FAM222A: variants seen among roughly 807,000 people sequenced by gnomAD.
The protein encoded by FAM222A is family with sequence similarity 222 member A.
In FAM222A, 7 loss-of-function variants were observed where a neutral mutation model predicts 25.8. The ratio of observed to expected loss-of-function variants is 0.27; its 90% confidence interval spans 0.15 to 0.51. The LOEUF (loss-of-function observed/expected upper bound fraction) is 0.51. Among genes scored for constraint, FAM222A ranks in the 20% least tolerant of loss-of-function variants. FAM222A has a pLI of 0.97. For missense variants in FAM222A, 573 were observed against 640.5 expected, an observed-to-expected ratio of 0.89 and a Z score of 1.14; for synonymous variants, 294 against 298.8, an observed-to-expected ratio of 0.98 and a Z score of 0.17.
Position 109,714,241 on chromosome 12 carries a change from C to A in FAM222A, c.-703C>A. On this transcript the variant is annotated 5_prime_UTR_variant, in exon 1 of 3. Coordinates refer to ENST00000538780, the MANE Select transcript of FAM222A (RefSeq NM_032829.3). The surrounding 1 kb of genome is among the most constrained non-coding windows in gnomAD (Gnocchi z 4.2). Reference sequence around the variant, plus strand: ...CGCTGCCGCCGCCGCTGTTCGCCGGCTTCCCCTCCCCCCACACCCGGGGCT... The same window carrying A: ...CGCTGCCGCCGCCGCTGTTCGCCGGATTCCCCTCCCCCCACACCCGGGGCT... The A allele has an allele frequency of 4.9e-6, 1 of 204,938 alleles. No homozygotes were observed. Among genetic ancestry groups the A allele is most frequent in the South Asian group, 6.1e-5 (1 of 16,316 alleles). 12.7% of individuals were successfully genotyped at this position (204,938 alleles called of 1,614,324 possible).
rs371970207 is a variant in FAM222A, at chr12:109,744,223, G to A, written c.77G>A (p.Arg26His). 1.1e-5 allele frequency: 18 copies of A among 1,612,812 alleles called. No homozygotes were observed. In the African/African-American group the frequency reaches 1.9e-4, roughly 17 times the overall value. The change falls in exon 2 of 3, where the codon CGC (arginine) becomes CAC (histidine). Residue 26 changes from arginine (R) to histidine (H), a missense_variant. Coordinates refer to ENST00000538780, the MANE Select transcript of FAM222A (RefSeq NM_032829.3). ...LACPSKSLEL[R>H]KCEAVASAMH... ...TGCCCGAGCAAGAGCCTGGAGCTGC[G>A]CAAGTGTGAGTAGGACGCCTCCCCA...
intron 1 of FAM222A, among the ~76,000 whole-genome samples, chr12:109,738,583 T>C (rs1476368446): frequency 6.6e-6 from 1 of 152,194 alleles, no homozygotes; most frequent in Non-Finnish European, 1.5e-5. Flanking sequence ...CAGCATCTCA[T>C]TCACTTCCTG....
chr12:109,760,354 A>G (rs918464149), intron 2 of FAM222A, among the ~76,000 whole-genome samples: 1 of 152,144 alleles, frequency 6.6e-6, no homozygotes, highest in Non-Finnish European at 1.5e-5. Flanking sequence ...GGCTCCGGTT[A>G]TGGAGGAAAG....
chr12:109,727,631 G>T (rs1241109692), intron 1 of FAM222A, among the ~76,000 whole-genome samples: 4 of 152,192 alleles, frequency 2.6e-5, no homozygotes, highest in Non-Finnish European at 1.5e-5. Flanking sequence ...GTTCACGGAG[G>T]ACAGGCAACT....
intron 1 of FAM222A, among the ~76,000 whole-genome samples, chr12:109,731,144 G>A (rs1416612586): frequency 1.3e-5 from 2 of 152,126 alleles, no homozygotes; most frequent in African/African-American, 4.8e-5. Context: ...CCTTAGCTGA[G>A]GTGCTGTTTC....
chr12:109,742,722 T>C (rs562468168), intron 1 of FAM222A, among the ~76,000 whole-genome samples: 48 of 151,568 alleles, frequency 3.2e-4, no homozygotes, highest in Non-Finnish European at 3.7e-4. Flanking sequence ...GAAAGTAAAA[T>C]AGGGCATAAT....
At chr12:109,750,917 C>T (rs1000980294) in intron 2 of FAM222A, among the ~76,000 whole-genome samples, 5 of 152,070 alleles carry the variant, frequency 3.3e-5, no homozygotes, top group African/African-American at 1.2e-4. Flanking sequence ...TTCGATCTTT[C>T]CATATCTTTC....
At chr12:109,726,119 TAAAAA>T (rs11464580) in intron 1 of FAM222A, among the ~76,000 whole-genome samples, 2 of 110,382 alleles carry the variant, frequency 1.8e-5, no homozygotes, top group African/African-American at 6.9e-5. Context: ...AAAAAATTGC[TAAAAA>T]AAAAAAAAAA....
At chr12:109,758,612 C>G (rs903293917) in intron 2 of FAM222A, among the ~76,000 whole-genome samples, 2 of 152,126 alleles carry the variant, frequency 1.3e-5, no homozygotes, top group Non-Finnish European at 2.9e-5. Context: ...GGCTGGAGAA[C>G]AGCTGTGTCT....
intron 1 of FAM222A, among the ~76,000 whole-genome samples, chr12:109,742,876 G>GA (rs1284515576): frequency 6.6e-6 from 1 of 152,048 alleles, no homozygotes; most frequent in Non-Finnish European, 1.5e-5. Flanking sequence ...AGAAAGTAGT[G>GA]AAAAAAGGCT....
intron 2 of FAM222A, among the ~76,000 whole-genome samples, chr12:109,758,693 G>A (rs920777111): frequency 2.0e-4 from 30 of 152,170 alleles, no homozygotes; most frequent in Admixed American, 1.8e-3. Flanking sequence ...TCTGCCACCA[G>A]CTAATTAGTG....
At chr12:109,746,831 G>T (rs955327917) in intron 2 of FAM222A, among the ~76,000 whole-genome samples, 2 of 152,018 alleles carry the variant, frequency 1.3e-5, no homozygotes, top group Non-Finnish European at 2.9e-5. Flanking sequence ...CCCTATTCTG[G>T]ACTAGTGACT....
Position 109,768,162 on chromosome 12 carries a change from C to G in FAM222A, c.233C>G (p.Thr78Arg). 2 of 1,613,898 alleles carry G rather than the reference C, an allele frequency of 1.2e-6. No homozygotes were observed. Among genetic ancestry groups the G allele is most frequent in the Non-Finnish European group, 1.7e-6 (2 of 1,180,014 alleles). Reference sequence around the variant, plus strand: ...CCCCAGCACAAGCACCTCAGCCGCACAGTCAATGGCTATGACACCAGTGGC... The same window carrying G: ...CCCCAGCACAAGCACCTCAGCCGCAGAGTCAATGGCTATGACACCAGTGGC... ...RVPQHKHLSR[T>R]VNGYDTSGQR... The change falls in exon 3 of 3, where the codon ACA becomes AGA. Residue 78 changes from threonine to arginine, a missense_variant. This residue lies in a region of FAM222A where 112 missense variants were observed against 154.6 expected (regional missense o/e 0.72). Coordinates refer to ENST00000538780, the MANE Select transcript of FAM222A (RefSeq NM_032829.3).
intron 2 of FAM222A, among the ~76,000 whole-genome samples, chr12:109,751,987 T>C (rs925149120): frequency 1.3e-5 from 2 of 152,266 alleles, no homozygotes; most frequent in Admixed American, 6.5e-5. Flanking sequence ...AGGTTGTTTC[T>C]AGTCTCTCAC....
At chr12:109,718,743 C>G (rs1296822156) in intron 1 of FAM222A, among the ~76,000 whole-genome samples, 2 of 152,248 alleles carry the variant, frequency 1.3e-5, no homozygotes, top group Non-Finnish European at 2.9e-5. Context: ...AAGTGATTTG[C>G]ATCCAAGGTA....
In FAM222A at chr12:109,766,935, G is replaced by A. The variant is rs576689635; in HGVS notation, c.83-1077G>A. ...TTTTGAGACAAGGTCTTGCTCTATCGGCCAGGCTGGAATGCAATGGCACAG... is the reference window on the plus strand; with the variant it reads ...TTTTGAGACAAGGTCTTGCTCTATCAGCCAGGCTGGAATGCAATGGCACAG... On this transcript the variant is annotated intron_variant, in intron 2 of 2. Transcript: ENST00000538780. Among the ~76,000 whole-genome samples the A allele has an allele frequency of 1.1e-3, 162 of 152,020 alleles. 1 individual carries two copies. The highest frequency in any genetic ancestry group is 4.0e-3 in the Admixed American group (61 of 15,278).
At chr12:109,733,146 G>GTGT (rs1887988190) in intron 1 of FAM222A, among the ~76,000 whole-genome samples, 1 of 152,162 alleles carries the variant, frequency 6.6e-6, no homozygotes, top group East Asian at 1.9e-4. Flanking sequence ...GGACAGTGTG[G>GTGT]TGTTGCACTG....
rs747299998 is a variant in FAM222A, at chr12:109,769,163, C to T, written c.1234C>T (p.Leu412Phe). The T allele has an allele frequency of 6.2e-7, 1 of 1,612,680 alleles. No individual in the cohort carries two copies. Among genetic ancestry groups the T allele is most frequent in the East Asian group, 2.2e-5 (1 of 44,878 alleles). ...CAGCAGCCTGCAGTCACTGGAGTAT[C>T]TCATCAACGACATCCGGCCGCCCTG... ...LSSSLQSLEY[L>F]INDIRPPCIK... Residue 412 changes from leucine (L) to phenylalanine (F), a missense_variant, in exon 3 of 3, where the codon CTC (leucine) becomes TTC (phenylalanine). This residue lies in a region of FAM222A where 49 missense variants were observed against 78.9 expected (regional missense o/e 0.62). Coordinates refer to ENST00000538780, the MANE Select transcript of FAM222A (RefSeq NM_032829.3).
chr12:109,722,131 G>A (rs1258471175), intron 1 of FAM222A, among the ~76,000 whole-genome samples: 1 of 152,192 alleles, frequency 6.6e-6, no homozygotes, highest in Non-Finnish European at 1.5e-5. Context: ...AGCCAGGAAG[G>A]GTGAACGTCC....
Sources: allele counts gnomAD v4.1 joint callset (sites outside exome capture counted in the v4.1 genomes callset), GRCh38; gene constraint gnomAD v4.1.1; regional missense constraint gnomAD v4.1.1; non-coding constraint Gnocchi (gnomAD v3.1); transcripts MANE v1.5; gene names NCBI Gene and HGNC (gene_info 2026-07-23, HGNC 2026-07-21).